Variants in KIRREL3 observed in about 807,000 individuals in gnomAD.
The protein encoded by KIRREL3 is kin of IRRE-like protein 3.
KIRREL3 carries 36 observed loss-of-function variants against 89.7 expected under a neutral mutation model. The ratio of observed to expected loss-of-function variants is 0.40; its 90% CI spans 0.31 to 0.53. The LOEUF (loss-of-function observed/expected upper bound fraction) is 0.53. Ranked by LOEUF, KIRREL3 falls within the 20% of genes least tolerant of loss-of-function variation. The pLI, the probability that KIRREL3 is intolerant of heterozygous loss-of-function variation, is 0.49. For synonymous variants in KIRREL3, 445 were observed against 441.4 expected (o/e 1.01, Z -0.10); for missense variants, 864 against 1,056.6 (o/e 0.82, Z 2.53).
intron 7 of KIRREL3, among the ~76,000 whole-genome samples, chr11:126,453,930 T>C (rs568121060): frequency 2.0e-5 from 3 of 152,272 alleles, no homozygotes; most frequent in Admixed American, 6.5e-5. Context: ...GCTGTGATAC[T>C]GTGAGCTCCA....
chr11:126,527,140 G>A lies in KIRREL3; in HGVS notation c.134-453C>T, dbSNP rs193039795. 5.9e-5 allele frequency among the ~76,000 whole-genome samples: 9 copies of A among 152,310 alleles called. No homozygotes were observed. The highest frequency in any genetic ancestry group is 8.8e-5 in the Non-Finnish European group (6 of 68,034). On this transcript the variant is annotated intron_variant, in intron 2 of 16. Transcript: ENST00000525144. This position sits in a 1 kb window ranked among gnomAD's most constrained non-coding sequence, Gnocchi z 4.2. ...GAAGGGGGTCGATGGAGAGTGGTGCGGCTTTGGTTAAACCTGAGAATTCAG... is the reference window on the plus strand; with the variant it reads ...GAAGGGGGTCGATGGAGAGTGGTGCAGCTTTGGTTAAACCTGAGAATTCAG...
intron 12 of KIRREL3, among the ~76,000 whole-genome samples, chr11:126,436,501 G>A (rs1488001088): frequency 6.6e-6 from 1 of 152,256 alleles, no homozygotes; most frequent in African/African-American, 2.4e-5. Context: ...CTACTGGGCA[G>A]CTTGTCACTG....
Position 126,883,425 on chromosome 11 carries a change from C to G in KIRREL3, c.55+117030G>C, listed in dbSNP as rs543992733. Among the ~76,000 whole-genome samples, 7 of 152,108 alleles carry G rather than the reference C, an allele frequency of 4.6e-5. No homozygotes were observed. The highest frequency in any genetic ancestry group is 1.0e-4 in the Non-Finnish European group (7 of 68,016). ...CCTCTCTATCTATGTTCCAGGCACA[C>G]GGGACTTTGCATTACTTCCAAAGGT... On this transcript the variant is annotated intron_variant, in intron 1 of 16. Coordinates refer to ENST00000525144, the MANE Select transcript of KIRREL3 (RefSeq NM_032531.4). The surrounding 1 kb of genome is among the most constrained non-coding windows in gnomAD (Gnocchi z 4.1).
intron 15 of KIRREL3, among the ~76,000 whole-genome samples, chr11:126,425,992 T>G (rs75622494): frequency 0.067 from 10,146 of 152,324 alleles, 691 homozygotes; most frequent in African/African-American, 0.17. Flanking sequence ...CTTTCCTCGC[T>G]TGGGCGAGGG....
Position 126,747,286 on chromosome 11 carries a change from T to C in KIRREL3, c.56-184374A>G, listed in dbSNP as rs529393792. On this transcript the variant is annotated intron_variant, in intron 1 of 16. Transcript: ENST00000525144. The surrounding 1 kb of genome is among the most constrained non-coding windows in gnomAD (Gnocchi z 4.7). ...ACAATCAGTGTATACTTACAAAGGC[T>C]GTTGTATGAGGATTAAATAAAATAC... 5.6e-4 allele frequency among the ~76,000 whole-genome samples: 86 copies of C among 152,366 alleles called. 1 individual carries two copies. In the South Asian group the frequency reaches 0.018, roughly 31 times the overall value.
At position 126,431,722 on chromosome 11, in the gene KIRREL3, A is replaced by G. The variant is rs1955140174; in HGVS notation, c.1589-196T>C. Among the ~76,000 whole-genome samples, 1 of 152,100 alleles carries G rather than the reference A, an allele frequency of 6.6e-6. No homozygotes were observed. Among genetic ancestry groups the G allele is most frequent in the African/African-American group, 2.4e-5 (1 of 41,406 alleles). ...GCTGGGACTGCAAAGACCAGGGTGG[A>G]GGACACAGGGGCTTGGTGGGTGGAG... On this transcript the variant is annotated intron_variant, in intron 13 of 16. Coordinates refer to ENST00000525144, the MANE Select transcript of KIRREL3 (RefSeq NM_032531.4). The surrounding 1 kb of genome is among the most constrained non-coding windows in gnomAD (Gnocchi z 7.1).
rs766266024 is a variant in KIRREL3, at chr11:126,923,176, C to CTTCTTCTCT, written c.55+77278_55+77279insAGAGAAGAA. On this transcript the variant is annotated intron_variant, in intron 1 of 16. Coordinates refer to ENST00000525144, the MANE Select transcript of KIRREL3 (RefSeq NM_032531.4). ...TCTTCTTCTTCTTCTTCTTCTTCTT[C>CTTCTTCTCT]TCTTCTTCTTCTCTTCTTCTTCTTC... Among the ~76,000 whole-genome samples the CTTCTTCTCT allele has an allele frequency of 5.3e-3, 95 of 17,990 alleles. 18 individuals are homozygous for CTTCTTCTCT. Among genetic ancestry groups the CTTCTTCTCT allele is most frequent in the Non-Finnish European group, 5.5e-3 (50 of 9,082 alleles). 11.8% of individuals were successfully genotyped at this position (17,990 alleles called of 152,430 possible). A position where few individuals can be genotyped will look rare whatever the true frequency, so the allele number is the denominator to read the frequency against.
chr11:126,425,833 C>T, intron 15 of KIRREL3, 109 bp from the exon 16 acceptor site: 1 of 792,502 alleles, frequency 1.3e-6, no homozygotes, highest in South Asian at 1.6e-5. Context: ...ATAACCCCCA[C>T]CACCCCTCAC....
In KIRREL3 at chr11:126,942,289, A is replaced by G. The variant is rs183128516; in HGVS notation, c.55+58166T>C. ...ATTAAGTGCCTCTAAAACCCCTAGCATCACGCCTGGCACACGGTAAACACT... is the reference window on the plus strand; with the variant it reads ...ATTAAGTGCCTCTAAAACCCCTAGCGTCACGCCTGGCACACGGTAAACACT... On this transcript the variant is annotated intron_variant, in intron 1 of 16. Transcript: ENST00000525144. Among the ~76,000 whole-genome samples, 13 of 152,316 alleles carry G rather than the reference A, an allele frequency of 8.5e-5. No individual in the cohort carries two copies. In the East Asian group the frequency reaches 2.5e-3, roughly 29 times the overall value.
chr11:126,675,902 GA>G (rs1946166916), intron 1 of KIRREL3, among the ~76,000 whole-genome samples: 1 of 152,180 alleles, frequency 6.6e-6, no homozygotes, highest in East Asian at 1.9e-4. Flanking sequence ...CAGAGAAGAG[GA>G]AGCTGTTTAA....
chr11:126,483,983 C>T (rs893634076), intron 4 of KIRREL3, among the ~76,000 whole-genome samples: 5 of 152,214 alleles, frequency 3.3e-5, no homozygotes, highest in African/African-American at 4.8e-5. Context: ...ACCATGTGCC[C>T]GCCTCAGCAG....
At position 126,436,959 on chromosome 11, in the gene KIRREL3, A is replaced by G. The variant is rs746250704; in HGVS notation, c.1404T>C (p.Tyr468=). 1.9e-6 allele frequency: 3 copies of G among 1,598,678 alleles called. No individual in the cohort carries two copies. Among genetic ancestry groups the G allele is most frequent in the Admixed American group, 1.7e-5 (1 of 59,342 alleles). Reference sequence around the variant, plus strand: ...CCTCGGTGCTGATGGTCTCCACCGTATAGCGCCCCGATGTGCCCGACTCCA... The same window carrying G: ...CCTCGGTGCTGATGGTCTCCACCGTGTAGCGCCCCGATGTGCCCGACTCCA... ...NVLESGTSGR[Y]TVETISTEEG... The change falls in exon 12 of 17, where the codon TAT becomes TAC. Residue 468 remains tyrosine, a synonymous_variant. Transcript: ENST00000525144.
chr11:126,910,303 C>T (rs868770857), intron 1 of KIRREL3, among the ~76,000 whole-genome samples: 4 of 152,136 alleles, frequency 2.6e-5, no homozygotes, highest in Non-Finnish European at 5.9e-5. Flanking sequence ...CAGGAAGAGG[C>T]AGCCAAGGTA....
intron 1 of KIRREL3, among the ~76,000 whole-genome samples, chr11:126,972,965 C>T (rs1300492612): frequency 6.6e-6 from 1 of 152,042 alleles, no homozygotes; most frequent in Admixed American, 6.6e-5. Flanking sequence ...ATTCTACTCA[C>T]CCTTTCACTC....
At chr11:126,514,967 T>G (rs1371815078) in intron 4 of KIRREL3, among the ~76,000 whole-genome samples, 2 of 152,216 alleles carry the variant, frequency 1.3e-5, no homozygotes, top group African/African-American at 2.4e-5. Context: ...TCCCTAAGCC[T>G]TGTTATTTCA....
chr11:126,735,348 T>C (rs58258613), intron 1 of KIRREL3, among the ~76,000 whole-genome samples: 2,263 of 152,260 alleles, frequency 0.015, 51 homozygotes, highest in African/African-American at 0.048. Context: ...TAAGCATCTC[T>C]GGGATCCTAG....
In KIRREL3 at chr11:126,624,748, G is replaced by A. The variant is rs994396648; in HGVS notation, c.56-61836C>T. 2.6e-5 allele frequency among the ~76,000 whole-genome samples: 4 copies of A among 152,202 alleles called. No individual in the cohort carries two copies. The highest frequency in any genetic ancestry group is 4.8e-5 in the African/African-American group (2 of 41,442). On this transcript the variant is annotated intron_variant, in intron 1 of 16. Coordinates refer to ENST00000525144, the MANE Select transcript of KIRREL3 (RefSeq NM_032531.4). This position sits in a 1 kb window ranked among gnomAD's most constrained non-coding sequence, Gnocchi z 6.0. The stretch of plus-strand genomic sequence containing the variant: ...TGAGTAATTCCCGAGCATCAATAAC[G>A]TGTGTCATGATGTAATGCAGGGAGA...
Position 126,904,974 on chromosome 11 carries a change from G to T in KIRREL3, c.55+95481C>A, listed in dbSNP as rs892129136. On this transcript the variant is annotated intron_variant, in intron 1 of 16. Transcript: ENST00000525144. The surrounding 1 kb of genome is among the most constrained non-coding windows in gnomAD (Gnocchi z 4.4). ...TGATGATGATGATGATACAGAAATA[G>T]TGTGTAAAAAAATTCATCTTCAGAT... 6.6e-6 allele frequency among the ~76,000 whole-genome samples: 1 copy of T among 152,080 alleles called. No individual in the cohort carries two copies. The highest frequency in any genetic ancestry group is 1.5e-5 in the Non-Finnish European group (1 of 68,028).
chr11:126,856,409 A>G (rs1364270781), intron 1 of KIRREL3, among the ~76,000 whole-genome samples: 1 of 152,118 alleles, frequency 6.6e-6, no homozygotes, highest in Non-Finnish European at 1.5e-5. Flanking sequence ...TCATGTTTTA[A>G]AGTATGATTT....
Sources: allele counts gnomAD v4.1 joint callset (sites outside exome capture counted in the v4.1 genomes callset), GRCh38; gene constraint gnomAD v4.1.1; non-coding constraint Gnocchi (gnomAD v3.1); transcripts MANE v1.5; gene names NCBI Gene and HGNC (gene_info 2026-07-23, HGNC 2026-07-21).